Variants in EPHA6 observed in about 807,000 individuals in gnomAD.
EPHA6 encodes ephrin type-A receptor 6.
A neutral mutation model predicts 112.0 loss-of-function variants in EPHA6; 50 were observed. That is an observed-to-expected ratio of 0.45 (90% CI 0.36 to 0.56). EPHA6 has a LOEUF of 0.56. Ranked by LOEUF, EPHA6 falls within the 20% of genes least tolerant of loss-of-function variation. The pLI is 0.00. For missense variants in EPHA6, 1,280 were observed against 1,417.4 expected, an observed-to-expected ratio of 0.90 and a Z score of 1.56; for synonymous variants, 529 against 490.7, an observed-to-expected ratio of 1.08 and a Z score of -1.03.
At chr3:96,859,383 A>ATT (rs58615285) in intron 1 of EPHA6, among the ~76,000 whole-genome samples, 3,118 of 140,948 alleles carry the variant, frequency 0.022, 102 homozygotes, top group African/African-American at 0.063. Flanking sequence ...ATAATGGTTA[A>ATT]TTTTTTTTTT....
rs1224328323 is a variant in EPHA6, at chr3:97,575,707, A to C, written c.2387-16905A>C. Among the ~76,000 whole-genome samples the C allele has an allele frequency of 2.6e-5, 4 of 152,240 alleles. No individual in the cohort carries two copies. The East Asian group carries it at 5.8e-4, about 22-fold the overall frequency. ...GGGGAGCCTTTGAAAGGTTTTAAGC[A>C]GGGAAATCACATAGGCACATTCGCA... On this transcript the variant is annotated intron_variant, in intron 11 of 17. Transcript: ENST00000389672.
At chr3:97,577,562 T>C (rs934264488) in intron 11 of EPHA6, among the ~76,000 whole-genome samples, 4 of 152,188 alleles carry the variant, frequency 2.6e-5, no homozygotes, top group Non-Finnish European at 5.9e-5. Context: ...CCAATTTTTA[T>C]GCTCTTTAGT....
At chr3:97,261,765 C>T (rs756432536) in intron 5 of EPHA6, among the ~76,000 whole-genome samples, 12 of 152,212 alleles carry the variant, frequency 7.9e-5, no homozygotes, top group Non-Finnish European at 1.2e-4. Flanking sequence ...TTGTCAGATG[C>T]GCTTCCAATA....
intron 13 of EPHA6, among the ~76,000 whole-genome samples, chr3:97,636,833 C>T (rs993594516): frequency 1.9e-4 from 29 of 152,010 alleles, no homozygotes; most frequent in African/African-American, 6.5e-4. Flanking sequence ...CTACAATCTA[C>T]TGCTAGATAT....
intron 4 of EPHA6, among the ~76,000 whole-genome samples, chr3:97,235,287 T>A (rs181455155): frequency 6.6e-6 from 1 of 152,196 alleles, no homozygotes; most frequent in Non-Finnish European, 1.5e-5. Flanking sequence ...GATGAATGAA[T>A]AACTAATAAT....
chr3:97,250,004 T>C (rs570146775), intron 5 of EPHA6, among the ~76,000 whole-genome samples: 12 of 152,288 alleles, frequency 7.9e-5, no homozygotes, highest in African/African-American at 2.6e-4. Flanking sequence ...TGAAAATAAA[T>C]GGTTAGTTTT....
intron 10 of EPHA6, among the ~76,000 whole-genome samples, chr3:97,494,802 C>T (rs184675587): frequency 1.7e-3 from 262 of 152,296 alleles, no homozygotes; most frequent in African/African-American, 6.1e-3. Flanking sequence ...TACTTCCACA[C>T]CACACCATTA....
intron 3 of EPHA6, among the ~76,000 whole-genome samples, chr3:97,202,478 C>T (rs1313530663): frequency 2.0e-5 from 3 of 151,784 alleles, no homozygotes; most frequent in Admixed American, 6.6e-5. Context: ...ATTATAGGTA[C>T]CTGCCTCCAT....
intron 5 of EPHA6, among the ~76,000 whole-genome samples, chr3:97,332,479 C>G (rs2082849448): frequency 6.6e-6 from 1 of 152,108 alleles, no homozygotes; most frequent in Admixed American, 6.6e-5. Context: ...TCCCTGTTTG[C>G]AGATGACATG....
chr3:96,944,675 G>A (rs766635735), intron 2 of EPHA6, among the ~76,000 whole-genome samples: 7 of 152,236 alleles, frequency 4.6e-5, no homozygotes, highest in East Asian at 3.9e-4. Flanking sequence ...AAAATAACTC[G>A]ATATTACCTA....
Position 97,757,226 on chromosome 3 carries a change from G to A in EPHA6, c.*8525G>A, listed in dbSNP as rs2036047658. ...TTAGAAAAGAGTGAATAAAAAGTATGTCACAGTACTCTTACTGGTAATTTT... is the reference window on the plus strand; with the variant it reads ...TTAGAAAAGAGTGAATAAAAAGTATATCACAGTACTCTTACTGGTAATTTT... On this transcript the variant is annotated 3_prime_UTR_variant, in exon 18 of 18. Coordinates refer to ENST00000389672, the MANE Select transcript of EPHA6 (RefSeq NM_001080448.3). Among the ~76,000 whole-genome samples, 2 of 151,742 alleles carry A rather than the reference G, an allele frequency of 1.3e-5. No individual in the cohort carries two copies. The highest frequency in any genetic ancestry group is 4.8e-5 in the African/African-American group (2 of 41,416).
At chr3:97,075,419 G>A (rs963923223) in intron 3 of EPHA6, among the ~76,000 whole-genome samples, 6 of 151,886 alleles carry the variant, frequency 4.0e-5, no homozygotes, top group East Asian at 1.9e-4. Context: ...GTTCTGGGGC[G>A]TCTGGGTGTG....
intron 14 of EPHA6, among the ~76,000 whole-genome samples, chr3:97,664,261 A>C (rs1257049803): frequency 6.6e-6 from 1 of 152,196 alleles, no homozygotes; most frequent in East Asian, 1.9e-4. Context: ...GTAGATGGCA[A>C]AAATTTTCTC....
At chr3:97,648,418 A>C in intron 14 of EPHA6, 1 of 1,497,524 alleles carries the variant, frequency 6.7e-7, no homozygotes, top group Non-Finnish European at 8.9e-7. Context: ...ATGAAGCAGC[A>C]TGAGGGGAAG....
At chr3:97,466,504 T>A (rs776925379) in intron 7 of EPHA6, 7 of 1,121,950 alleles carry the variant, frequency 6.2e-6, no homozygotes, top group African/African-American at 6.2e-5. Flanking sequence ...GTCAAAGGGG[T>A]AGTGTGAGGG....
At chr3:97,253,126 A>C (rs1367269848) in intron 5 of EPHA6, among the ~76,000 whole-genome samples, 1 of 152,234 alleles carries the variant, frequency 6.6e-6, no homozygotes, top group African/African-American at 2.4e-5. Flanking sequence ...TAAATATATA[A>C]TATCTGATTC....
chr3:97,418,418 T>G (rs1383778909), intron 6 of EPHA6, among the ~76,000 whole-genome samples: 1 of 151,852 alleles, frequency 6.6e-6, no homozygotes, highest in Non-Finnish European at 1.5e-5. Context: ...TACAGCTGCA[T>G]AGTATAAAGG....
intron 3 of EPHA6, among the ~76,000 whole-genome samples, chr3:97,061,137 C>A (rs987177005): frequency 6.6e-6 from 1 of 151,708 alleles, no homozygotes; most frequent in African/African-American, 2.4e-5. Flanking sequence ...CTTATAGGAC[C>A]CAAACACCAA....
intron 2 of EPHA6, among the ~76,000 whole-genome samples, chr3:96,920,766 T>C (rs1351866648): frequency 6.6e-6 from 1 of 152,010 alleles, no homozygotes; most frequent in Non-Finnish European, 1.5e-5. Flanking sequence ...TTTAAATAAC[T>C]CCATTAAATG....
Sources: allele counts gnomAD v4.1 joint callset (sites outside exome capture counted in the v4.1 genomes callset), GRCh38; gene constraint gnomAD v4.1.1; transcripts MANE v1.5; gene names NCBI Gene and HGNC (gene_info 2026-07-23, HGNC 2026-07-21).